INSL5: variants seen among roughly 807,000 people sequenced by gnomAD.
INSL5 encodes insulin-like peptide INSL5.
A neutral mutation model predicts 4.3 loss-of-function variants in INSL5; 3 were observed. The ratio of observed to expected loss-of-function variants is 0.70; its 90% CI spans 0.32 to 1.82. INSL5 has a LOEUF of 1.82. Among genes scored for constraint, INSL5 ranks in the 40% most tolerant of loss-of-function variants. The pLI, the probability that INSL5 is intolerant of heterozygous loss-of-function variation, is 0.08. For missense variants in INSL5, 168 were observed against 160.9 expected (o/e 1.04, Z -0.24); for synonymous variants, 68 against 56.6 (o/e 1.20, Z -0.90).
chr1:66,798,269 T>G, intron 1 of INSL5, 24 bp from the exon 2 acceptor site: 3 of 1,549,990 alleles, frequency 1.9e-6, no homozygotes, highest in Non-Finnish European at 2.7e-6. Flanking sequence ...AAAAAAATAA[T>G]ACATCCTTAG....
intron 1 of INSL5, 77 bp from the exon 2 acceptor site, chr1:66,798,322 G>C: frequency 1.0e-6 from 1 of 954,360 alleles, no homozygotes; most frequent in Non-Finnish European, 1.6e-6. Context: ...CCACTCCTGG[G>C]GAAATGAACT....
chr1:66,797,893 G>A lies in INSL5; in HGVS notation c.*120C>T. ...CTCAGCTATACCTTTTAGAAAAGAA[G>A]TTTTGCCTACCCAAAAGCCATCATT... On this transcript the variant is annotated 3_prime_UTR_variant, in exon 2 of 2. Coordinates refer to ENST00000304526, the MANE Select transcript of INSL5 (RefSeq NM_005478.6). 1 of 701,754 alleles carries A rather than the reference G, an allele frequency of 1.4e-6. No homozygotes were observed. Among genetic ancestry groups the A allele is most frequent in the Non-Finnish European group, 2.4e-6 (1 of 416,384 alleles). The allele number at this position is 701,754 out of a possible 1,614,324, so 43.5% of individuals were successfully genotyped here. A position where few individuals can be genotyped will look rare whatever the true frequency, so the allele number is the denominator to read the frequency against.
chr1:66,799,098 T>C (rs1203234411), intron 1 of INSL5, among the ~76,000 whole-genome samples: 1 of 152,186 alleles, frequency 6.6e-6, no homozygotes, highest in Non-Finnish European at 1.5e-5. Flanking sequence ...TCATATGAAC[T>C]TCAATATTAA....
chr1:66,797,783 A>C lies in INSL5; in HGVS notation c.*230T>G, dbSNP rs186180739. The C allele has an allele frequency of 7.6e-6, 3 of 394,608 alleles. No individual in the cohort carries two copies. The highest frequency in any genetic ancestry group is 1.4e-5 in the Non-Finnish European group (3 of 221,914). 24.4% of individuals were successfully genotyped at this position (394,608 alleles called of 1,614,324 possible). ...ATTGCAATTTTGCGCAGCATTTGAA[A>C]TTTCAAAGCATTAGTAGAATTTGAA... is the stretch of plus-strand genomic sequence containing the variant. On this transcript the variant is annotated 3_prime_UTR_variant, in exon 2 of 2. Transcript: ENST00000304526.
chr1:66,800,469 G>T (rs1001254372), intron 1 of INSL5, among the ~76,000 whole-genome samples: 24 of 152,028 alleles, frequency 1.6e-4, no homozygotes, highest in Non-Finnish European at 3.1e-4. Flanking sequence ...GATAGACCCA[G>T]TTTCCTACCT....
chr1:66,799,381 T>C (rs1645360160), intron 1 of INSL5, among the ~76,000 whole-genome samples: 1 of 152,130 alleles, frequency 6.6e-6, no homozygotes, highest in African/African-American at 2.4e-5. Flanking sequence ...ATCTCACTGA[T>C]ATGTGGAATC....
intron 1 of INSL5, among the ~76,000 whole-genome samples, chr1:66,798,866 A>T (rs969288960): frequency 6.6e-6 from 1 of 152,226 alleles, no homozygotes; most frequent in Non-Finnish European, 1.5e-5. Context: ...GAAAACACTG[A>T]AAATCTGAGA....
Position 66,798,178 on chromosome 1 carries a change from G to C in INSL5, c.243C>G (p.Asn81Lys). 3 of 1,614,132 alleles carry C rather than the reference G, an allele frequency of 1.9e-6. No homozygotes were observed. Among genetic ancestry groups the C allele is most frequent in the Non-Finnish European group, 2.5e-6 (3 of 1,180,022 alleles). ...CCCCTGAGGCATCCACCTTCGGAAG[G>C]TTTTGCGCTGGATTTTCCTCAGAAA... is the stretch of plus-strand genomic sequence containing the variant. The part of the protein sequence containing the change: ...REFSEENPAQ[N>K]LPKVDASGED... The change falls in exon 2 of 2, where the codon AAC becomes AAG. Residue 81 changes from asparagine (N) to lysine (K), a missense_variant. By Grantham distance (94) the Asn-to-Lys change is moderately conservative. Coordinates refer to ENST00000304526, the MANE Select transcript of INSL5 (RefSeq NM_005478.6).
chr1:66,798,311 T>C, intron 1 of INSL5, 66 bp from the exon 2 acceptor site: 1 of 1,071,404 alleles, frequency 9.3e-7, no homozygotes, highest in Non-Finnish European at 1.4e-6. Flanking sequence ...GCAACCACAT[T>C]CCACTCCTGG....
intron 1 of INSL5, among the ~76,000 whole-genome samples, chr1:66,799,245 T>C (rs2100238471): frequency 6.6e-6 from 1 of 152,312 alleles, no homozygotes; most frequent in South Asian, 2.1e-4. Flanking sequence ...CAATCATACA[T>C]ATAGTCGCAA....
chr1:66,798,842 T>C (rs746161486), intron 1 of INSL5, among the ~76,000 whole-genome samples: 18 of 152,264 alleles, frequency 1.2e-4, no homozygotes, highest in Non-Finnish European at 2.2e-4. Context: ...ATTGATCAGA[T>C]AAATAATGTG....
Position 66,797,969 on chromosome 1 carries a change from A to T in INSL5, c.*44T>A. 7.7e-7 allele frequency: 1 copy of T among 1,300,822 alleles called. No individual in the cohort carries two copies. Among genetic ancestry groups the T allele is most frequent in the Non-Finnish European group, 1.1e-6 (1 of 899,218 alleles). The allele number at this position is 1,300,822 out of a possible 1,614,324, so 80.6% of individuals were successfully genotyped here. ...CCAGGCAGTAAAACACTGTAATTAA[A>T]CATGTGATAAAGCTCTGCCACCCAT... On this transcript the variant is annotated 3_prime_UTR_variant, in exon 2 of 2. Transcript: ENST00000304526.
intron 1 of INSL5, among the ~76,000 whole-genome samples, chr1:66,800,327 AACC>A (rs2100240198): frequency 6.6e-6 from 1 of 152,140 alleles, no homozygotes; most frequent in South Asian, 2.1e-4. Flanking sequence ...CTCTGTCAGT[AACC>A]ACCACCTCCA....
chr1:66,799,241 T>C (rs1275618254), intron 1 of INSL5, among the ~76,000 whole-genome samples: 16 of 152,240 alleles, frequency 1.1e-4, no homozygotes, highest in Admixed American at 1.0e-3. Context: ...TTAACAATCA[T>C]ACATATAGTC....
Position 66,798,101 on chromosome 1 carries a change from T to C in INSL5, c.320A>G (p.Lys107Arg), listed in dbSNP as rs758154770. ...QMPTEELWKS[K>R]KHSVMSRQDL... is the part of the protein sequence containing the mutation. ...TTGTCTTGACATCACTGAATGCTTC[T>C]TTGACTTCCAAAGCTCTTCAGTGGG... Residue 107 changes from lysine (K) to arginine (R), a missense_variant, in exon 2 of 2, where the codon AAG (lysine) becomes AGG (arginine). Lys to Arg is a conservative substitution (Grantham distance 26). Coordinates refer to ENST00000304526, the MANE Select transcript of INSL5 (RefSeq NM_005478.6). 9.9e-6 allele frequency: 16 copies of C among 1,614,158 alleles called. No individual in the cohort carries two copies. Among genetic ancestry groups the C allele is most frequent in the Middle Eastern group, 1.7e-4 (1 of 6,060 alleles).
intron 1 of INSL5, among the ~76,000 whole-genome samples, chr1:66,799,932 C>T (rs1353380139): frequency 6.6e-6 from 1 of 151,966 alleles, no homozygotes; most frequent in Admixed American, 6.6e-5. Context: ...ACCTGTAGTC[C>T]TACCTACTCA....
chr1:66,798,220 G>A lies in INSL5; in HGVS notation c.201C>T (p.Leu67=). 6.2e-7 allele frequency: 1 copy of A among 1,614,028 alleles called. No homozygotes were observed. Among genetic ancestry groups the A allele is most frequent in the Non-Finnish European group, 8.5e-7 (1 of 1,179,958 alleles). The change falls in exon 2 of 2, where the codon CTC becomes CTT. Residue 67 remains leucine (L), a synonymous_variant. Coordinates refer to ENST00000304526, the MANE Select transcript of INSL5 (RefSeq NM_005478.6). ...QQAETGNSFQ[L]PHKREFSEEN... ...CCTCAGAAAACTCACGTTTATGTGG[G>A]AGCTGGAAGGAGTTTCCTGTCTCAG...
intron 1 of INSL5, among the ~76,000 whole-genome samples, chr1:66,800,032 C>A (rs1645364678): frequency 6.6e-6 from 1 of 151,994 alleles, no homozygotes; most frequent in Non-Finnish European, 1.5e-5. Flanking sequence ...GGGCAAGACC[C>A]TGTCTCCAAT....
chr1:66,798,386 G>A, intron 1 of INSL5, 141 bp from the exon 2 acceptor site: 1 of 642,842 alleles, frequency 1.6e-6, no homozygotes, highest in Middle Eastern at 4.3e-4. Context: ...ATGTTGGCCT[G>A]GTTTCAGAGA....
Sources: gnomAD v4.1 joint callset for allele counts (sites outside exome capture counted in the v4.1 genomes callset) on GRCh38, gnomAD v4.1.1 for gene constraint, MANE v1.5 for transcripts, NCBI Gene and HGNC (gene_info 2026-07-23, HGNC 2026-07-21) for gene names.